Variants in TGS1 observed in about 807,000 individuals in gnomAD.
TGS1 encodes the protein trimethylguanosine synthase.
A neutral mutation model predicts 92.2 loss-of-function variants in TGS1; 69 were observed. That is an observed-to-expected ratio of 0.75 (90% CI 0.62 to 0.91). The LOEUF (loss-of-function observed/expected upper bound fraction) is 0.91, where lower values mean the gene tolerates loss of function less well. Ranked by LOEUF, TGS1 falls within the 40% of genes least tolerant of loss-of-function variation. The pLI, the probability that TGS1 is intolerant of heterozygous loss-of-function variation, is 0.00. For synonymous variants in TGS1, 345 were observed against 338.1 expected, an observed-to-expected ratio of 1.02 and a Z score of -0.22; for missense variants, 1,062 against 1,001.2, an observed-to-expected ratio of 1.06 and a Z score of -0.82.
intron 4 of TGS1, among the ~76,000 whole-genome samples, chr8:55,787,569 A>G (rs1811755332): frequency 6.6e-6 from 1 of 152,228 alleles, no homozygotes; most frequent in Non-Finnish European, 1.5e-5. Flanking sequence ...CAGGATAAGG[A>G]ACTTGATTGA....
intron 12 of TGS1, 63 bp downstream of exon 12, chr8:55,813,181 A>G: frequency 8.7e-7 from 1 of 1,144,334 alleles, no homozygotes; most frequent in Non-Finnish European, 1.3e-6. Flanking sequence ...ACGGTAAAAG[A>G]TACAGGACAT....
At chr8:55,802,087 G>A (rs1302273442) in intron 8 of TGS1, among the ~76,000 whole-genome samples, 5 of 152,208 alleles carry the variant, frequency 3.3e-5, no homozygotes, top group Middle Eastern at 3.4e-3. Flanking sequence ...CCAGCTACTC[G>A]GGAGGCTGAG....
chr8:55,802,278 A>G (rs1390172329), intron 8 of TGS1, among the ~76,000 whole-genome samples, 179 bp from the exon 9 acceptor site: 1 of 152,158 alleles, frequency 6.6e-6, no homozygotes, highest in African/African-American at 2.4e-5. Context: ...TAAGTAGCAA[A>G]ATGCTGGTGG....
chr8:55,803,194 C>T (rs1297991668), intron 9 of TGS1, among the ~76,000 whole-genome samples: 2 of 151,624 alleles, frequency 1.3e-5, no homozygotes. Context: ...ATTTGTAGCA[C>T]GTTAGGATAG....
At chr8:55,782,648 T>G (rs1811598739) in intron 1 of TGS1, 100 bp from the exon 2 acceptor site, 1 of 878,372 alleles carries the variant, frequency 1.1e-6, no homozygotes, top group African/African-American at 1.7e-5. Flanking sequence ...TTCTGTTTCA[T>G]AAGCTTTTTA....
At chr8:55,801,857 G>A (rs1014266821) in intron 8 of TGS1, among the ~76,000 whole-genome samples, 5 of 151,988 alleles carry the variant, frequency 3.3e-5, no homozygotes, top group African/African-American at 1.2e-4. Context: ...TTACAGGTGT[G>A]AGCCACCTCG....
intron 12 of TGS1, 139 bp downstream of exon 12, chr8:55,813,257 G>A: frequency 3.3e-6 from 2 of 612,284 alleles, no homozygotes; most frequent in Non-Finnish European, 5.7e-6. Context: ...AAAGCTGGAA[G>A]TATCTGGAAG....
intron 7 of TGS1, among the ~76,000 whole-genome samples, chr8:55,796,389 A>T (rs541649931): frequency 1.7e-4 from 26 of 152,226 alleles, no homozygotes; most frequent in African/African-American, 6.0e-4. Flanking sequence ...AGTGTCTGAG[A>T]TTATTTAAAA....
rs1281350252 is a variant in TGS1, at chr8:55,786,217, C to G, written c.340-21C>G. 15 of 1,178,602 alleles carry G rather than the reference C, an allele frequency of 1.3e-5. No individual in the cohort carries two copies. The African/African-American group carries it at 2.2e-4, about 17-fold the overall frequency. The allele number at this position is 1,178,602 out of a possible 1,614,324, so 73.0% of individuals were successfully genotyped here. A position where few individuals can be genotyped will look rare whatever the true frequency, so the allele number is the denominator to read the frequency against. On this transcript the variant is annotated intron_variant, in intron 3 of 12. Transcript: ENST00000260129. ...TAGTTCATAAAGTGCATTTTATATT[C>G]AAGTTATTTATCTGATATAGGTATC...
chr8:55,809,728 C>T (rs1803289494), intron 10 of TGS1, among the ~76,000 whole-genome samples: 1 of 152,198 alleles, frequency 6.6e-6, no homozygotes, highest in Non-Finnish European at 1.5e-5. Flanking sequence ...AGCCACCGTG[C>T]CCAGCCAGCA....
chr8:55,781,941 A>G (rs1438487395), intron 1 of TGS1, among the ~76,000 whole-genome samples: 1 of 152,096 alleles, frequency 6.6e-6, no homozygotes, highest in Non-Finnish European at 1.5e-5. Context: ...TGTTAGGTTT[A>G]TTTTGGTAAC....
At chr8:55,791,178 G>T (rs958922933) in intron 5 of TGS1, among the ~76,000 whole-genome samples, 9 of 152,210 alleles carry the variant, frequency 5.9e-5, no homozygotes, top group Admixed American at 5.9e-4. Flanking sequence ...TCTACTCGAA[G>T]CAGTGCAATT....
intron 1 of TGS1, among the ~76,000 whole-genome samples, chr8:55,774,801 T>C (rs11778574): frequency 0.85 from 129,201 of 152,168 alleles, 55,122 homozygotes; most frequent in East Asian, 0.99. Flanking sequence ...CAAATAACTT[T>C]CCAAGGGTCA....
chr8:55,807,506 G>GTTTT (rs199884741), intron 10 of TGS1, among the ~76,000 whole-genome samples: 8 of 138,676 alleles, frequency 5.8e-5, no homozygotes, highest in African/African-American at 2.1e-4. Context: ...TAAAGCAGGG[G>GTTTT]TTTTTTTTTT....
At chr8:55,812,720 A>T (rs1383363914) in intron 11 of TGS1, among the ~76,000 whole-genome samples, 1 of 152,096 alleles carries the variant, frequency 6.6e-6, no homozygotes, top group Non-Finnish European at 1.5e-5. Flanking sequence ...TGTCTCAAAA[A>T]TAATAAAATT....
At chr8:55,804,501 T>G (rs1812307872) in intron 9 of TGS1, among the ~76,000 whole-genome samples, 1 of 152,160 alleles carries the variant, frequency 6.6e-6, no homozygotes, top group Admixed American at 6.6e-5. Flanking sequence ...TGCTTCAACC[T>G]TAGGAGTGAA....
intron 10 of TGS1, 102 bp from the exon 11 acceptor site, chr8:55,810,779 G>A (rs1410648844): frequency 1.1e-6 from 1 of 929,390 alleles, no homozygotes; most frequent in African/African-American, 1.6e-5. Context: ...TCTTTATAAA[G>A]AGTTCTTATA....
Position 55,773,749 on chromosome 8 carries a change from C to T in TGS1, c.101+30C>T, listed in dbSNP as rs192150189. On this transcript the variant is annotated intron_variant, in intron 1 of 12. Coordinates refer to ENST00000260129, the MANE Select transcript of TGS1 (RefSeq NM_024831.8). ...GTAGAAAAGAGAATCTCTTCATGTTCTAGCACAGTCATTACCCAGAAATGT... is the reference window on the plus strand; with the variant it reads ...GTAGAAAAGAGAATCTCTTCATGTTTTAGCACAGTCATTACCCAGAAATGT... The T allele has an allele frequency of 7.3e-4, 1,123 of 1,548,314 alleles. 9 individuals are homozygous for T. In the African/African-American group the frequency reaches 9.5e-3, roughly 13 times the overall value.
Position 55,786,670 on chromosome 8 carries a change from C to CA in TGS1, c.773dup (p.Trp260LeufsTer4). 1 of 1,614,070 alleles carries CA rather than the reference C, an allele frequency of 6.2e-7. No homozygotes were observed. Among genetic ancestry groups the CA allele is most frequent in the Non-Finnish European group, 8.5e-7 (1 of 1,179,996 alleles). On this transcript the variant is annotated frameshift_variant, in exon 4 of 13. Transcript: ENST00000260129. LOFTEE classifies it high-confidence loss of function. ...GGAACAATTTCAGTATTGGGAAGCT[C>CA]AGGGTTGGACTTTTGATGCCTCGCA...
Sources: allele counts gnomAD v4.1 joint callset (sites outside exome capture counted in the v4.1 genomes callset), GRCh38; gene constraint gnomAD v4.1.1; transcripts MANE v1.5; gene names NCBI Gene and HGNC (gene_info 2026-07-23, HGNC 2026-07-21).